The following AFG2B variants were observed in gnomAD, a reference collection of about 807,000 sequenced individuals.
The protein encoded by AFG2B is ATPase family gene 2 protein homolog B.
the AFG2B span, among the ~76,000 whole-genome samples, chr15:45,409,425 A>C: frequency 2.0e-5 from 3 of 151,232 alleles, no homozygotes; most frequent in Non-Finnish European, 4.4e-5. Context: ...AGAGGTGTGG[A>C]GAGAACACAG....
chr15:45,417,736 T>G, the AFG2B span: 3 of 187,716 alleles, frequency 1.6e-5, no homozygotes, highest in African/African-American at 2.3e-5. Context: ...TGCAGAAGTC[T>G]GAAATTACAG....
At chr15:45,406,601 C>T in the AFG2B span, among the ~76,000 whole-genome samples, 3 of 152,106 alleles carry the variant, frequency 2.0e-5, no homozygotes, top group African/African-American at 7.2e-5. Context: ...GTTGTAAAAT[C>T]CAGTATTTTG....
the AFG2B span, among the ~76,000 whole-genome samples, chr15:45,409,756 C>G: frequency 6.6e-6 from 1 of 151,888 alleles, no homozygotes; most frequent in Non-Finnish European, 1.5e-5. Context: ...ACCTGTAGTT[C>G]TAGCTACTCC....
At chr15:45,417,063 C>T in the AFG2B span, 19 of 506,142 alleles carry the variant, frequency 3.8e-5, no homozygotes, top group South Asian at 4.8e-4. Context: ...CTCCCTTAGC[C>T]ATGCACACAA....
the AFG2B span, chr15:45,407,302 G>T: frequency 9.2e-7 from 1 of 1,086,554 alleles, no homozygotes; most frequent in Non-Finnish European, 1.2e-6. Context: ...GGCAGATAAG[G>T]GATACCTTAC....
At chr15:45,421,332 C>A in the AFG2B span, 2 of 671,690 alleles carry the variant, frequency 3.0e-6, no homozygotes, top group Non-Finnish European at 2.3e-6. Context: ...TAAAACAAAA[C>A]AAAACAAAAA....
the AFG2B span, among the ~76,000 whole-genome samples, chr15:45,406,615 A>G: frequency 6.6e-6 from 1 of 152,254 alleles, no homozygotes; most frequent in Non-Finnish European, 1.5e-5. Context: ...TATTTTGTAT[A>G]TAATAAATAG....
chr15:45,404,999 A>G, the AFG2B span, among the ~76,000 whole-genome samples: 1 of 152,158 alleles, frequency 6.6e-6, no homozygotes, highest in Non-Finnish European at 1.5e-5. Flanking sequence ...TAGGATATCC[A>G]TCACCTCAAA....
chr15:45,404,805 C>T, the AFG2B span, among the ~76,000 whole-genome samples: 5 of 92,698 alleles, frequency 5.4e-5, no homozygotes, highest in African/African-American at 7.5e-5. Context: ...GAAACTGTGT[C>T]TCAAAAAAAA....
At chr15:45,419,699 C>T in the AFG2B span, among the ~76,000 whole-genome samples, 6 of 152,098 alleles carry the variant, frequency 3.9e-5, no homozygotes, top group Admixed American at 3.9e-4. Flanking sequence ...CTTTCCCAAC[C>T]TCTGTCACCT....
At chr15:45,417,362 T>G in the AFG2B span, 1 of 1,614,120 alleles carries the variant, frequency 6.2e-7, no homozygotes, top group South Asian at 1.1e-5. Flanking sequence ...CCTGGAAGAT[T>G]AGATAAGATC....
the AFG2B span, among the ~76,000 whole-genome samples, chr15:45,415,115 T>C: frequency 6.6e-6 from 1 of 152,204 alleles, no homozygotes; most frequent in Non-Finnish European, 1.5e-5. Context: ...GGTTTTTAAC[T>C]CTTACATAAT....
chr15:45,402,990 C>G, the AFG2B span: 1 of 1,591,028 alleles, frequency 6.3e-7, no homozygotes, highest in Non-Finnish European at 8.5e-7. Context: ...TCAGCCTTGG[C>G]GGGGAGCCTC....
chr15:45,407,411 GAATC>G, the AFG2B span, among the ~76,000 whole-genome samples: 1 of 152,142 alleles, frequency 6.6e-6, no homozygotes, highest in Non-Finnish European at 1.5e-5. Flanking sequence ...TAAGCCCAAA[GAATC>G]AAGTAAAATA....
chr15:45,410,681 T>C, the AFG2B span: 1 of 759,384 alleles, frequency 1.3e-6, no homozygotes. Context: ...TCAGTCCTTA[T>C]TTAATTGGAC....
At chr15:45,420,412 T>C in the AFG2B span, among the ~76,000 whole-genome samples, 1 of 152,204 alleles carries the variant, frequency 6.6e-6, no homozygotes, top group South Asian at 2.1e-4. Flanking sequence ...CAGTGCTGGC[T>C]GAAGACTCTT....
At chr15:45,406,125 G>A in the AFG2B span, among the ~76,000 whole-genome samples, 1 of 152,112 alleles carries the variant, frequency 6.6e-6, no homozygotes, top group African/African-American at 2.4e-5. Context: ...AACCTAAATA[G>A]GCCTTAATCT....
the AFG2B span, among the ~76,000 whole-genome samples, chr15:45,411,049 A>C: frequency 3.3e-5 from 5 of 152,258 alleles, no homozygotes; most frequent in South Asian, 1.0e-3. Flanking sequence ...TAAAAATACA[A>C]AAATTAGCTG....
At chr15:45,403,574 G>C in the AFG2B span, 4 of 1,575,638 alleles carry the variant, frequency 2.5e-6, no homozygotes, top group Non-Finnish European at 3.4e-6. Flanking sequence ...CGCTTCTGGC[G>C]CCATTTGGCT....
Sources: allele counts gnomAD v4.1 joint callset (sites outside exome capture counted in the v4.1 genomes callset), GRCh38; gene constraint gnomAD v4.1.1; transcripts MANE v1.5; gene names NCBI Gene and HGNC (gene_info 2026-07-23, HGNC 2026-07-21).